Variants in GUCY2F observed in about 807,000 individuals in gnomAD.
GUCY2F encodes the protein guanylate cyclase 2F, retinal.
Under a neutral mutation model 73.1 loss-of-function variants are expected in GUCY2F, and 61 were observed. That is an observed-to-expected ratio of 0.83 (90% CI 0.68 to 1.03). The LOEUF (loss-of-function observed/expected upper bound fraction) is 1.03. Among genes scored for constraint, GUCY2F ranks in the 50% least tolerant of loss-of-function variants. The pLI is 0.00. For missense variants in GUCY2F, 912 were observed against 854.3 expected, an observed-to-expected ratio of 1.07 and a Z score of -0.84; for synonymous variants, 331 against 307.8, an observed-to-expected ratio of 1.08 and a Z score of -0.79.
chrX:109,386,274 G>A (rs1231141482), intron 15 of GUCY2F, among the ~76,000 whole-genome samples: 1 of 112,114 alleles, frequency 8.9e-6, no homozygotes, highest in Non-Finnish European at 1.9e-5. Context: ...ACAGACAGAG[G>A]TGCTATAATA....
At chrX:109,471,637 A>G (rs1286615973) in intron 2 of GUCY2F, among the ~76,000 whole-genome samples, 1 of 112,466 alleles carries the variant, frequency 8.9e-6, no homozygotes, top group African/African-American at 3.2e-5. Context: ...TTTGATTAAT[A>G]ACTCTCCTAT....
Position 109,392,079 on chromosome X carries a change from CT to C in GUCY2F, c.2612del (p.Lys871ArgfsTer29). On this transcript the variant is annotated frameshift_variant, in exon 14 of 20. Coordinates refer to ENST00000218006, the MANE Select transcript of GUCY2F (RefSeq NM_001522.3). LOFTEE classifies it high-confidence loss of function. ...LPPSVAESLKKGCTVEPEGFD... is the reference protein window; with the variant it reads ...LPPSVAESLKXGCTVEPEGFD... The stretch of plus-strand genomic sequence containing the variant: ...AGCCCTCAGGTTCAACTGTGCAGCC[CT>C]TTTTGAGAGATTCAGCAACTGATCT... The C allele has an allele frequency of 8.3e-7, 1 of 1,203,671 alleles. No individual in the cohort carries two copies. The highest frequency in any genetic ancestry group is 1.1e-6 in the Non-Finnish European group (1 of 891,406).
chrX:109,428,293 T>C lies in GUCY2F; in HGVS notation c.1791+2014A>G, dbSNP rs758343716. Among the ~76,000 whole-genome samples, 4 of 112,040 alleles carry C rather than the reference T, an allele frequency of 3.6e-5. No individual in the cohort carries two copies. In the East Asian group the frequency reaches 1.1e-3, roughly 31 times the overall value. On this transcript the variant is annotated intron_variant, in intron 8 of 19. Transcript: ENST00000218006. ...CCTAAATTAAGTAATCAGGTTAACA[T>C]CACCAGTAATGGGATGATCAACATC...
At chrX:109,412,962 A>G (rs996307320) in intron 8 of GUCY2F, among the ~76,000 whole-genome samples, 2 of 112,285 alleles carry the variant, frequency 1.8e-5, no homozygotes, top group Non-Finnish European at 3.8e-5. Context: ...ATTGGAAGAG[A>G]GTCACCTGCC....
chrX:109,444,253 T>A (rs1421939673), intron 6 of GUCY2F, among the ~76,000 whole-genome samples: 2 of 112,339 alleles, frequency 1.8e-5, no homozygotes, highest in African/African-American at 6.5e-5. Flanking sequence ...AGAATTAGGG[T>A]TATAATTGAA....
chrX:109,462,971 C>T (rs1476866717), intron 3 of GUCY2F, among the ~76,000 whole-genome samples: 1 of 111,521 alleles, frequency 9.0e-6, no homozygotes, highest in African/African-American at 3.3e-5. Context: ...GTGTGTGTCT[C>T]CTAAAAGACA....
chrX:109,374,748 G>C (rs1001730111), intron 19 of GUCY2F, among the ~76,000 whole-genome samples: 5 of 111,914 alleles, frequency 4.5e-5, no homozygotes, highest in African/African-American at 1.6e-4. Context: ...GAAATTGGAA[G>C]ACTGTAGAAC....
chrX:109,409,011 A>G lies in GUCY2F; in HGVS notation c.1949T>C (p.Leu650Pro), dbSNP rs759230287. Residue 650 changes from leucine to proline, a missense_variant, in exon 9 of 20, where the codon CTC becomes CCC. Physicochemically the swap from Leu to Pro is moderately conservative, Grantham distance 98. Transcript: ENST00000218006. ...VKLDWMFKSS[L>P]LLDLIKGMKY... ...ATTAACCTTTATGAGATCCAGCAAG[A>G]GTGATGATTTAAACATCCAGTCAAG... 2.6e-6 allele frequency: 3 copies of G among 1,137,702 alleles called. No homozygotes were observed. The highest frequency in any genetic ancestry group is 3.6e-6 in the Non-Finnish European group (3 of 828,480). 93.8% of individuals were successfully genotyped at this position (1,137,702 alleles called of 1,213,427 possible).
rs1364175461 is a variant in GUCY2F, at chrX:109,475,977, G to A, written c.-41C>T. On this transcript the variant is annotated 5_prime_UTR_variant, in exon 2 of 20. Coordinates refer to ENST00000218006, the MANE Select transcript of GUCY2F (RefSeq NM_001522.3). ...AGCAAGCTAATGACGAGATACTGGA[G>A]AGTTATTCTGCTTTCCCGACACAGA... is the stretch of plus-strand genomic sequence containing the variant. 8.9e-7 allele frequency: 1 copy of A among 1,128,432 alleles called. No homozygotes were observed. The highest frequency in any genetic ancestry group is 3.0e-5 in the East Asian group (1 of 33,054). The allele number at this position is 1,128,432 out of a possible 1,213,427, so 93.0% of individuals were successfully genotyped here.
intron 8 of GUCY2F, among the ~76,000 whole-genome samples, chrX:109,424,208 C>A (rs187969504): frequency 8.9e-6 from 1 of 111,732 alleles, no homozygotes. Context: ...TTTGAATAGT[C>A]CAGTATCTAT....
chrX:109,413,384 G>A (rs975822200), intron 8 of GUCY2F, among the ~76,000 whole-genome samples: 1 of 111,009 alleles, frequency 9.0e-6, no homozygotes, highest in East Asian at 2.8e-4. Flanking sequence ...CAAGGATTTT[G>A]TTAGCTTCAT....
chrX:109,390,682 T>C (rs761230255), intron 14 of GUCY2F, among the ~76,000 whole-genome samples: 65 of 112,604 alleles, frequency 5.8e-4, no homozygotes, highest in Non-Finnish European at 1.0e-3. Context: ...TGAATCATCT[T>C]TGATTTTAGT....
At chrX:109,381,406 T>C (rs675186) in intron 17 of GUCY2F, among the ~76,000 whole-genome samples, 38,511 of 110,912 alleles carry the variant, frequency 0.35, 6,044 homozygotes, top group East Asian at 0.72. Context: ...GGACCTTGGT[T>C]TTCATCTGAA....
intron 11 of GUCY2F, 76 bp from the exon 12 acceptor site, chrX:109,395,565 T>A: frequency 1.1e-6 from 1 of 906,832 alleles, no homozygotes; most frequent in East Asian, 3.1e-5. Flanking sequence ...TAACTGACTT[T>A]TAGCCAAGAA....
Position 109,453,544 on chromosome X carries a change from C to T in GUCY2F, c.1348G>A (p.Ala450Thr), listed in dbSNP as rs778816555. ...TTCCCTTCTGCAAACCAGCATTTTG[C>T]ATCTGCTCTAGGGGGCCTGCCACCA... ...FPGGRPPRAD[A>T]KCWFAEGKIC... The change falls in exon 4 of 20, where the codon GCA becomes ACA. Residue 450 changes from alanine to threonine, a missense_variant. By Grantham distance (58) the Ala-to-Thr change is moderately conservative. Transcript: ENST00000218006. 2.5e-6 allele frequency: 3 copies of T among 1,206,737 alleles called. No individual in the cohort carries two copies. The highest frequency in any genetic ancestry group is 2.2e-5 in the Admixed American group (1 of 45,645).
intron 7 of GUCY2F, among the ~76,000 whole-genome samples, chrX:109,434,723 A>T (rs915744094): frequency 9.1e-6 from 1 of 109,897 alleles, no homozygotes; most frequent in Non-Finnish European, 1.9e-5. Flanking sequence ...CTGAATGGTA[A>T]AGCCTAGGTT....
At chrX:109,391,392 T>G (rs1930557588) in intron 14 of GUCY2F, among the ~76,000 whole-genome samples, 1 of 110,387 alleles carries the variant, frequency 9.1e-6, no homozygotes, top group Non-Finnish European at 1.9e-5. Flanking sequence ...GAGCCTCGAG[T>G]CTAATATTTC....
At chrX:109,387,194 G>T (rs146599190) in intron 15 of GUCY2F, among the ~76,000 whole-genome samples, 1,240 of 111,767 alleles carry the variant, frequency 0.011, 18 homozygotes, top group African/African-American at 0.038. Flanking sequence ...GTGAATAAGA[G>T]ACAAGAGAGA....
chrX:109,412,356 G>T (rs1260467727), intron 8 of GUCY2F, among the ~76,000 whole-genome samples: 1 of 111,661 alleles, frequency 9.0e-6, no homozygotes, highest in Admixed American at 9.5e-5. Flanking sequence ...ATATGAGCTT[G>T]CTTCTTAGAA....
Sources: allele counts gnomAD v4.1 joint callset (sites outside exome capture counted in the v4.1 genomes callset), GRCh38; gene constraint gnomAD v4.1.1; transcripts MANE v1.5; gene names NCBI Gene and HGNC (gene_info 2026-07-23, HGNC 2026-07-21).